Variants in EEF2K observed in about 807,000 individuals in gnomAD.
The protein encoded by EEF2K is alternative protein EEF2K.
In EEF2K, 70 loss-of-function variants were observed where a neutral mutation model predicts 93.8. The ratio of observed to expected loss-of-function variants is 0.75; its 90% CI spans 0.62 to 0.91. The LOEUF (loss-of-function observed/expected upper bound fraction) is 0.91, where lower values mean the gene tolerates loss of function less well. Ranked by LOEUF, EEF2K falls within the 40% of genes least tolerant of loss-of-function variation. EEF2K has a pLI of 0.00. For missense variants in EEF2K, 935 were observed against 972.9 expected (o/e 0.96, Z 0.52); for synonymous variants, 376 against 380.8 (o/e 0.99, Z 0.15).
chr16:22,248,899 C>T (rs2047321187), intron 4 of EEF2K, 84 bp downstream of exon 4: 2 of 1,339,784 alleles, frequency 1.5e-6, no homozygotes, highest in Non-Finnish European at 2.1e-6. Context: ...CCTTCTCTCC[C>T]ACTCCCACTT....
chr16:22,215,746 G>A (rs2046951961), intron 1 of EEF2K, among the ~76,000 whole-genome samples: 2 of 152,178 alleles, frequency 1.3e-5, no homozygotes, highest in Admixed American at 1.3e-4. Context: ...CCAACATGGT[G>A]AAACCCCGTC....
In EEF2K at chr16:22,260,507, A is replaced by T. The variant is rs1317990084; in HGVS notation, c.1277A>T (p.His426Leu). ...SDLDNMASRDHDHLDNHRESE... is the reference protein window; with the variant it reads ...SDLDNMASRDLDHLDNHRESE... ...CTCGATAACATGGCATCCAGAGACC[A>T]TGATCATCTAGACAACCACCGGGTG... The change falls in exon 11 of 18, where the codon CAT (histidine) becomes CTT (leucine). Residue 426 changes from histidine to leucine, a missense_variant. By Grantham distance (99) the His-to-Leu change is moderately conservative. Coordinates refer to ENST00000263026, the MANE Select transcript of EEF2K (RefSeq NM_013302.5). 1 of 1,614,118 alleles carries T rather than the reference A, an allele frequency of 6.2e-7. No individual in the cohort carries two copies. Among genetic ancestry groups the T allele is most frequent in the Non-Finnish European group, 8.5e-7 (1 of 1,180,008 alleles).
At chr16:22,231,080 A>T (rs866821275) in intron 2 of EEF2K, among the ~76,000 whole-genome samples, 33 of 151,920 alleles carry the variant, frequency 2.2e-4, no homozygotes, top group African/African-American at 7.7e-4. Context: ...GTTGAAATAT[A>T]GTATGATGCT....
At chr16:22,272,007 C>T (rs1007970570) in intron 15 of EEF2K, among the ~76,000 whole-genome samples, 1 of 152,206 alleles carries the variant, frequency 6.6e-6, no homozygotes, top group African/African-American at 2.4e-5. Flanking sequence ...ATTTGCTGTA[C>T]TCGTCACAAT....
At chr16:22,277,184 T>C (rs1199501536) in intron 16 of EEF2K, among the ~76,000 whole-genome samples, 1 of 152,232 alleles carries the variant, frequency 6.6e-6, no homozygotes, top group Non-Finnish European at 1.5e-5. Context: ...TCACCCAGGC[T>C]AGAGTGCGAT....
rs142028995 is a variant in EEF2K at position 22,223,115 on chromosome 16, A to T, written c.-76-2539A>T. Reference sequence around the variant, plus strand: ...AGTTTCATATACAGAGAATTAGTCAATGTATATAGTCTTTTGTCACTGCCT... The same window carrying T: ...AGTTTCATATACAGAGAATTAGTCATTGTATATAGTCTTTTGTCACTGCCT... On this transcript the variant is annotated intron_variant, in intron 1 of 17. Coordinates refer to ENST00000263026, the MANE Select transcript of EEF2K (RefSeq NM_013302.5). Among the ~76,000 whole-genome samples the T allele has an allele frequency of 1.8e-3, 280 of 152,184 alleles. 3 individuals are homozygous for T. The highest frequency in any genetic ancestry group is 3.1e-3 in the Non-Finnish European group (212 of 68,014).
chr16:22,275,345 T>A (rs1251938219), intron 16 of EEF2K, among the ~76,000 whole-genome samples: 2 of 151,580 alleles, frequency 1.3e-5, no homozygotes, highest in African/African-American at 4.8e-5. Context: ...TATTATTTAT[T>A]TATTTATTTA....
intron 17 of EEF2K, among the ~76,000 whole-genome samples, chr16:22,282,735 T>A (rs777599016): frequency 6.1e-4 from 93 of 152,232 alleles, no homozygotes; most frequent in Non-Finnish European, 1.1e-3. Flanking sequence ...TCTAGAACTG[T>A]GAGCCAAATA....
chr16:22,239,207 A>T (rs775866901), intron 2 of EEF2K, among the ~76,000 whole-genome samples: 1 of 152,070 alleles, frequency 6.6e-6, no homozygotes, highest in African/African-American at 2.4e-5. Context: ...ACACCCTCTA[A>T]TTCTGCAGTA....
chr16:22,227,183 G>A (rs1178624493), intron 2 of EEF2K, among the ~76,000 whole-genome samples: 1 of 152,122 alleles, frequency 6.6e-6, no homozygotes, highest in Non-Finnish European at 1.5e-5. Flanking sequence ...TGGACAGCAA[G>A]AGTGAAACTC....
chr16:22,276,321 A>G (rs1395440144), intron 16 of EEF2K, among the ~76,000 whole-genome samples: 1 of 152,150 alleles, frequency 6.6e-6, no homozygotes, highest in Non-Finnish European at 1.5e-5. Flanking sequence ...ATGCCACATA[A>G]TGACCATTGT....
At chr16:22,261,183 G>C (rs1205169076) in intron 11 of EEF2K, among the ~76,000 whole-genome samples, 4 of 151,812 alleles carry the variant, frequency 2.6e-5, no homozygotes, top group Admixed American at 1.3e-4. Flanking sequence ...AACTAGCCTG[G>C]GCAATATGAC....
In EEF2K at chr16:22,266,492, G is replaced by A. The variant is rs761170225; in HGVS notation, c.1543G>A (p.Glu515Lys). ...EVQRLNALDL[E>K]KKIGKSILGK... ...GCAAAGGCTTAATGCTCTGGACCTC[G>A]AAAAGAAAATCGGGAAGTCCATTTT... The change falls in exon 14 of 18, where the codon GAA (glutamate) becomes AAA (lysine). Residue 515 changes from glutamate (E) to lysine (K), a missense_variant. By Grantham distance (56) the Glu-to-Lys change is moderately conservative. Transcript: ENST00000263026. 13 of 1,614,200 alleles carry A rather than the reference G, an allele frequency of 8.1e-6. No homozygotes were observed. Among genetic ancestry groups the A allele is most frequent in the Middle Eastern group, 1.6e-4 (1 of 6,062 alleles).
chr16:22,244,322 A>AAT lies in EEF2K; in HGVS notation c.247-298_247-297dup, dbSNP rs1205140795. 6.1e-5 allele frequency among the ~76,000 whole-genome samples: 9 copies of AAT among 147,646 alleles called. No homozygotes were observed. The East Asian group carries it at 7.8e-4, about 13-fold the overall frequency. ...GTGTGTGTGTGTGTATATCCTATAT[A>AAT]ATATATATATAATGAAATGTTAGCC... On this transcript the variant is annotated intron_variant, in intron 2 of 17. Transcript: ENST00000263026.
intron 5 of EEF2K, 139 bp downstream of exon 5, chr16:22,250,830 A>C (rs540358245): frequency 1.2e-5 from 14 of 1,151,892 alleles, no homozygotes; most frequent in East Asian, 5.0e-5. Context: ...CTGTCCATCT[A>C]GTCTCCCTCG....
chr16:22,222,099 GTTTCCTC>G (rs1362479667), intron 1 of EEF2K, among the ~76,000 whole-genome samples: 6 of 152,080 alleles, frequency 3.9e-5, no homozygotes, highest in Non-Finnish European at 8.8e-5. Context: ...AAAATAAAAA[GTTTCCTC>G]CAGCTCTACA....
chr16:22,207,555 C>T (rs187266722), intron 1 of EEF2K, among the ~76,000 whole-genome samples: 3 of 152,120 alleles, frequency 2.0e-5, no homozygotes, highest in Admixed American at 2.0e-4. Context: ...ATGTATATGT[C>T]AGGTGCTTGG....
chr16:22,240,101 CAAAA>C (rs765234012), intron 2 of EEF2K, among the ~76,000 whole-genome samples: 3 of 58,296 alleles, frequency 5.1e-5, no homozygotes, highest in East Asian at 6.2e-4. Context: ...GACTCCATCT[CAAAA>C]AAAAAAAAAA....
rs375223278 is a variant in EEF2K, at chr16:22,208,865, C to T, written c.-77+2186C>T. ...TGCTCCCTGGATGAATTTTCCTAGG[C>T]TTCCTTACCATTCGGTAGGGCCACA... is the stretch of plus-strand genomic sequence containing the variant. On this transcript the variant is annotated intron_variant, in intron 1 of 17. Coordinates refer to ENST00000263026, the MANE Select transcript of EEF2K (RefSeq NM_013302.5). 2.7e-3 allele frequency among the ~76,000 whole-genome samples: 414 copies of T among 152,300 alleles called. 19 individuals carry two copies. The South Asian group carries it at 0.082, about 30-fold the overall frequency.
Sources: allele counts gnomAD v4.1 joint callset (sites outside exome capture counted in the v4.1 genomes callset), GRCh38; gene constraint gnomAD v4.1.1; transcripts MANE v1.5; gene names NCBI Gene and HGNC (gene_info 2026-07-23, HGNC 2026-07-21).